The following ERLIN1 variants were observed in gnomAD, a reference collection of about 807,000 sequenced individuals.
ERLIN1 encodes the protein erlin-1.
Under a neutral mutation model 46.9 loss-of-function variants are expected in ERLIN1, and 24 were observed. The ratio of observed to expected loss-of-function variants is 0.51; its 90% CI spans 0.37 to 0.72. The LOEUF (loss-of-function observed/expected upper bound fraction) is 0.72, where lower values mean the gene tolerates loss of function less well. Ranked by LOEUF, ERLIN1 falls within the 30% of genes least tolerant of loss-of-function variation. The pLI is 0.00. For missense variants in ERLIN1, 293 were observed against 417.9 expected (o/e 0.70, Z 2.61); for synonymous variants, 158 against 143.2 (o/e 1.10, Z -0.74).
At position 100,152,000 on chromosome 10, in the gene ERLIN1, A is replaced by C; in HGVS notation, c.*131T>G. ...CTATCCTCCAATCAGTGGAGCACCCAGGACTATCGCAGGAGAGGTGGAACA... is the reference window on the plus strand; with the variant it reads ...CTATCCTCCAATCAGTGGAGCACCCCGGACTATCGCAGGAGAGGTGGAACA... On this transcript the variant is annotated 3_prime_UTR_variant, in exon 11 of 11. Transcript: ENST00000421367. 1 of 723,866 alleles carries C rather than the reference A, an allele frequency of 1.4e-6. No homozygotes were observed. The highest frequency in any genetic ancestry group is 2.7e-5 in the East Asian group (1 of 37,270). The allele number at this position is 723,866 out of a possible 1,614,324, so 44.8% of individuals were successfully genotyped here.
intron 4 of ERLIN1, among the ~76,000 whole-genome samples, chr10:100,176,849 G>A (rs1564814999): frequency 1.3e-5 from 2 of 152,274 alleles, no homozygotes; most frequent in South Asian, 2.1e-4. Context: ...CCGACTGGGC[G>A]CGGTGGCTCA....
chr10:100,161,910 C>A (rs1177299104), intron 8 of ERLIN1, among the ~76,000 whole-genome samples: 1 of 152,020 alleles, frequency 6.6e-6, no homozygotes. Flanking sequence ...ATACTCAACA[C>A]CAAAATAAAT....
chr10:100,153,963 AT>A (rs59619291), intron 10 of ERLIN1, among the ~76,000 whole-genome samples: 40,835 of 151,968 alleles, frequency 0.27, 6,913 homozygotes, highest in East Asian at 0.44. Flanking sequence ...TCATCTTATC[AT>A]TTCTTCTAAA....
chr10:100,185,472 T>G, intron 1 of ERLIN1, 42 bp downstream of exon 1: 1 of 1,469,656 alleles, frequency 6.8e-7, no homozygotes, highest in Non-Finnish European at 9.5e-7. Flanking sequence ...AGTACCCTTT[T>G]AATCTGCTCT....
Position 100,159,980 on chromosome 10 carries a change from T to C in ERLIN1, c.656-3746A>G, listed in dbSNP as rs1843277571. ...AAAGCCAATTCTCTGAAAAGATAAA[T>C]AAAATAAAACAGACCTCTGGCAAAA... is the stretch of plus-strand genomic sequence containing the variant. On this transcript the variant is annotated intron_variant, in intron 8 of 10. Transcript: ENST00000421367. Among the ~76,000 whole-genome samples, 3 of 147,688 alleles carry C rather than the reference T, an allele frequency of 2.0e-5. No homozygotes were observed. In the South Asian group the frequency reaches 6.5e-4, roughly 32 times the overall value.
chr10:100,182,190 A>AT (rs765187061), intron 2 of ERLIN1, among the ~76,000 whole-genome samples: 2,242 of 127,150 alleles, frequency 0.018, 21 homozygotes, highest in Non-Finnish European at 0.024. Context: ...TAGAGCCTTG[A>AT]TTTTTTTTTT....
At chr10:100,168,879 T>A (rs1843813677) in intron 6 of ERLIN1, among the ~76,000 whole-genome samples, 1 of 152,122 alleles carries the variant, frequency 6.6e-6, no homozygotes, top group South Asian at 2.1e-4. Context: ...AGACAGGGTT[T>A]CACTGTGTTG....
At position 100,177,483 on chromosome 10, in the gene ERLIN1, C is replaced by T. The variant is rs12217441; in HGVS notation, c.304+650G>A. On this transcript the variant is annotated intron_variant, in intron 4 of 10. Coordinates refer to ENST00000421367, the MANE Select transcript of ERLIN1 (RefSeq NM_006459.4). ...ATCCTTTTTTAGCTCTGTATTATGT[C>T]TTCTCAAGTAAAATTAAAACCCCTG... Among the ~76,000 whole-genome samples the T allele has an allele frequency of 6.5e-4, 99 of 152,240 alleles. 3 individuals are homozygous for T. In the East Asian group the frequency reaches 0.018, roughly 28 times the overall value.
intron 4 of ERLIN1, 150 bp from the exon 5 acceptor site, chr10:100,176,220 T>A: frequency 1.6e-6 from 1 of 609,070 alleles, no homozygotes; most frequent in Non-Finnish European, 2.7e-6. Flanking sequence ...TAACAAATCT[T>A]GATGTGTTGC....
intron 7 of ERLIN1, among the ~76,000 whole-genome samples, chr10:100,166,022 C>G (rs1329523418): frequency 6.6e-6 from 1 of 152,274 alleles, no homozygotes; most frequent in South Asian, 2.1e-4. Context: ...CACCACAGCC[C>G]GCCTATAAAT....
chr10:100,177,437 T>C (rs17112705), intron 4 of ERLIN1, among the ~76,000 whole-genome samples: 46,268 of 152,106 alleles, frequency 0.3, 8,772 homozygotes, highest in East Asian at 0.44. Context: ...TGAAATTTAT[T>C]ATGACCTTAC....
chr10:100,180,939 T>A (rs1177627153), intron 2 of ERLIN1, among the ~76,000 whole-genome samples: 1 of 152,240 alleles, frequency 6.6e-6, no homozygotes, highest in Non-Finnish European at 1.5e-5. Context: ...AGAGGAGGTA[T>A]CTGATACTTG....
chr10:100,150,241 C>T lies in ERLIN1; in HGVS notation c.*1890G>A, dbSNP rs142214952. ...TCAGAGCTGAGAGGGCACAGGGAGGCACACTCCTCACACATGGGAGTTTAA... is the reference window on the plus strand; with the variant it reads ...TCAGAGCTGAGAGGGCACAGGGAGGTACACTCCTCACACATGGGAGTTTAA... On this transcript the variant is annotated 3_prime_UTR_variant, in exon 11 of 11. Transcript: ENST00000421367. 7.8e-6 allele frequency: 1 copy of T among 128,986 alleles called. No homozygotes were observed. The highest frequency in any genetic ancestry group is 2.3e-4 in the South Asian group (1 of 4,444). The allele number at this position is 128,986 out of a possible 1,614,324, so 8.0% of individuals were successfully genotyped here. A position where few individuals can be genotyped will look rare whatever the true frequency, so the allele number is the denominator to read the frequency against.
At chr10:100,159,947 C>T (rs980181580) in intron 8 of ERLIN1, among the ~76,000 whole-genome samples, 4 of 148,102 alleles carry the variant, frequency 2.7e-5, no homozygotes, top group African/African-American at 9.9e-5. Flanking sequence ...ATCAACAAAA[C>T]CAAAACAAAA....
At chr10:100,184,425 C>T (rs1440161557) in intron 1 of ERLIN1, among the ~76,000 whole-genome samples, 2 of 152,086 alleles carry the variant, frequency 1.3e-5, no homozygotes, top group African/African-American at 4.8e-5. Context: ...TAACCAAATC[C>T]TGGAATGTGA....
chr10:100,176,098 T>A, intron 4 of ERLIN1, 28 bp from the exon 5 acceptor site: 1 of 1,594,776 alleles, frequency 6.3e-7, no homozygotes, highest in Non-Finnish European at 8.6e-7. Context: ...CCCATGTTTG[T>A]TTTACCCAAC....
chr10:100,164,186 GT>G (rs1377690087), intron 7 of ERLIN1, 91 bp from the exon 8 acceptor site: 3 of 788,394 alleles, frequency 3.8e-6, no homozygotes, highest in Non-Finnish European at 6.2e-6. Context: ...TCAGAGAACC[GT>G]TTTGTCAACA....
Position 100,179,180 on chromosome 10 carries a change from G to A in ERLIN1, c.242+21C>T, listed in dbSNP as rs182955133. The A allele has an allele frequency of 9.9e-5, 156 of 1,577,276 alleles. No homozygotes were observed. The East Asian group carries it at 3.0e-3, about 30-fold the overall frequency. On this transcript the variant is annotated intron_variant, in intron 3 of 10. Transcript: ENST00000421367. ...CTCTGTCTGAGCTAAAGGGAGGCTC[G>A]TAGGCAAAGAGAAAGCTTACCTTGT...
chr10:100,168,985 G>A (rs1466360579), intron 6 of ERLIN1, among the ~76,000 whole-genome samples: 1 of 152,126 alleles, frequency 6.6e-6, no homozygotes, highest in Non-Finnish European at 1.5e-5. Context: ...CACTCGGCCA[G>A]GACTGTCTTT....
Sources: allele counts gnomAD v4.1 joint callset (sites outside exome capture counted in the v4.1 genomes callset), GRCh38; gene constraint gnomAD v4.1.1; transcripts MANE v1.5; gene names NCBI Gene and HGNC (gene_info 2026-07-23, HGNC 2026-07-21).